The following AKAP13 variants were observed in gnomAD, a reference collection of about 807,000 sequenced individuals.
AKAP13 encodes A-kinase anchor protein 13.
In AKAP13, 80 loss-of-function variants were observed where a neutral mutation model predicts 264.5. The observed-to-expected ratio is 0.30, with a 90% CI of 0.25 to 0.36. The LOEUF is 0.36. Among genes scored for constraint, AKAP13 ranks in the 10% least tolerant of loss-of-function variants. The probability of loss-of-function intolerance (pLI) is 1.00; values close to 1 mark genes in which losing one functional copy is unlikely to be tolerated. For synonymous variants in AKAP13, 1,380 were observed against 1,250.2 expected (o/e 1.10, Z -2.19); for missense variants, 3,712 against 3,435.2 (o/e 1.08, Z -2.01).
At chr15:85,513,803 C>T (rs990597146) in intron 2 of AKAP13, among the ~76,000 whole-genome samples, 1 of 88,342 alleles carries the variant, frequency 1.1e-5, no homozygotes, top group Admixed American at 1.1e-4. Context: ...AATACAGTGC[C>T]CTCTCCTCTT....
intron 3 of AKAP13, among the ~76,000 whole-genome samples, chr15:85,524,532 T>C (rs2076950645): frequency 6.6e-6 from 1 of 152,142 alleles, no homozygotes; most frequent in South Asian, 2.1e-4. Flanking sequence ...TTGCTGGCTC[T>C]GATTTTTCTT....
In AKAP13 at chr15:85,581,501, C is replaced by A; in HGVS notation, c.3433C>A (p.Gln1145Lys). Residue 1145 changes from glutamine to lysine, a missense_variant, in exon 7 of 37, where the codon CAG becomes AAG. By Grantham distance (53) the Gln-to-Lys change is moderately conservative. Around this residue, in one of 3 missense-constraint regions of AKAP13, gnomAD observed 2,759 missense variants for 2,411.7 expected, o/e 1.14. Transcript: ENST00000394518. ...ALQDKAVTDP[Q>K]GVGTPEMIPL... ...ACAGGACAAAGCTGTGACTGACCCA[C>A]AGGGAGTTGGAACCCCAGAGATGAT... 6.2e-7 allele frequency: 1 copy of A among 1,614,190 alleles called. No homozygotes were observed. The highest frequency in any genetic ancestry group is 8.5e-7 in the Non-Finnish European group (1 of 1,180,034).
intron 14 of AKAP13, among the ~76,000 whole-genome samples, chr15:85,672,850 G>C (rs2083999338): frequency 6.6e-6 from 1 of 152,116 alleles, no homozygotes. Flanking sequence ...ACAGTGCCAG[G>C]GTCCATTTTT....
intron 5 of AKAP13, among the ~76,000 whole-genome samples, chr15:85,559,385 G>A (rs2078274957): frequency 6.6e-6 from 1 of 152,142 alleles, no homozygotes; most frequent in African/African-American, 2.4e-5. Context: ...TGGTTTTGTG[G>A]AAGACAGTTT....
At chr15:85,442,055 T>C (rs779294314) in intron 1 of AKAP13, among the ~76,000 whole-genome samples, 11 of 152,160 alleles carry the variant, frequency 7.2e-5, no homozygotes, top group Non-Finnish European at 1.6e-4. Context: ...TGAAATCTTA[T>C]TTTGCACAGT....
Position 85,498,226 on chromosome 15 carries a change from A to ATATC in AKAP13, c.33+12474_33+12475insATCT, listed in dbSNP as rs1567088692. ...TATATATATATATATATATATATAT[A>ATATC]TCACATTGAGCGAGATCATAGATAA... On this transcript the variant is annotated intron_variant, in intron 2 of 36. Transcript: ENST00000394518. Among the ~76,000 whole-genome samples the ATATC allele has an allele frequency of 4.8e-3, 627 of 130,448 alleles. 13 individuals are homozygous for ATATC. The highest frequency in any genetic ancestry group is 0.017 in the African/African-American group (583 of 35,114). The allele number at this position is 130,448 out of a possible 152,430, so 85.6% of individuals were successfully genotyped here. A position where few individuals can be genotyped will look rare whatever the true frequency, so the allele number is the denominator to read the frequency against.
At chr15:85,382,484 G>T (rs1037337898) in intron 1 of AKAP13, among the ~76,000 whole-genome samples, 1 of 152,140 alleles carries the variant, frequency 6.6e-6, no homozygotes, top group Admixed American at 6.5e-5. Context: ...GTGTGGTTTT[G>T]TGTGTGTGAT....
chr15:85,677,498 C>A (rs907045483), intron 14 of AKAP13, among the ~76,000 whole-genome samples: 1 of 152,140 alleles, frequency 6.6e-6, no homozygotes, highest in African/African-American at 2.4e-5. Context: ...GGACAGATAT[C>A]TAGATGTTCA....
At chr15:85,388,033 C>T (rs1596007509) in intron 1 of AKAP13, among the ~76,000 whole-genome samples, 1 of 110,852 alleles carries the variant, frequency 9.0e-6, no homozygotes, top group Admixed American at 1.2e-4. Flanking sequence ...TGTATACTTT[C>T]ATTTCCTTTT....
chr15:85,476,105 G>A (rs900997878), intron 1 of AKAP13, among the ~76,000 whole-genome samples: 1 of 152,214 alleles, frequency 6.6e-6, no homozygotes, highest in Non-Finnish European at 1.5e-5. Context: ...AATCAGCAAG[G>A]GTGGAGGGCA....
chr15:85,655,277 T>G, intron 10 of AKAP13, 140 bp from the exon 11 acceptor site: 4 of 1,002,212 alleles, frequency 4.0e-6, no homozygotes, highest in Non-Finnish European at 5.7e-6. Context: ...ATCATCCTAT[T>G]AAAAAAACAA....
At chr15:85,397,045 C>G (rs570147469) in intron 1 of AKAP13, among the ~76,000 whole-genome samples, 2 of 128,174 alleles carry the variant, frequency 1.6e-5, no homozygotes, top group East Asian at 5.5e-4. Flanking sequence ...CCCCGCCCCC[C>G]GAGGATTATT....
At chr15:85,623,621 G>C (rs908638011) in intron 8 of AKAP13, among the ~76,000 whole-genome samples, 1 of 152,110 alleles carries the variant, frequency 6.6e-6, no homozygotes, top group Non-Finnish European at 1.5e-5. Context: ...CCTCACATCA[G>C]CTCTTCTGTC....
At chr15:85,582,700 C>T (rs188686769) in intron 7 of AKAP13, among the ~76,000 whole-genome samples, 104 of 151,616 alleles carry the variant, frequency 6.9e-4, no homozygotes, top group Admixed American at 1.6e-3. Context: ...GTGTTGTTGA[C>T]GGGGAACTCC....
chr15:85,730,739 TCTA>T (rs2087938377), intron 30 of AKAP13, 32 bp downstream of exon 30: 1 of 1,585,198 alleles, frequency 6.3e-7, no homozygotes, highest in Non-Finnish European at 8.6e-7. Flanking sequence ...CCCCTCTTCA[TCTA>T]CTCCCAGAGT....
At chr15:85,442,140 G>C (rs1483408789) in intron 1 of AKAP13, among the ~76,000 whole-genome samples, 2 of 151,812 alleles carry the variant, frequency 1.3e-5, no homozygotes, top group East Asian at 3.9e-4. Context: ...GGCTGGGCGC[G>C]GTGGCTCATG....
chr15:85,553,497 T>C lies in AKAP13; in HGVS notation c.662+9542T>C, dbSNP rs145188033. Among the ~76,000 whole-genome samples, 966 of 152,334 alleles carry C rather than the reference T, an allele frequency of 6.3e-3. 11 individuals carry two copies. Among genetic ancestry groups the C allele is most frequent in the African/African-American group, 0.022 (905 of 41,564 alleles). On this transcript the variant is annotated intron_variant, in intron 5 of 36. Coordinates refer to ENST00000394518, the MANE Select transcript of AKAP13 (RefSeq NM_007200.5). The stretch of plus-strand genomic sequence containing the variant: ...TAGCCGGTGCACTATCTCTTAATAT[T>C]CATTTTAACTGTCAAACTATTTATC...
chr15:85,748,331 G>GT lies in AKAP13; in HGVS notation c.*3658dup, dbSNP rs777011947. 5.3e-5 allele frequency: 8 copies of GT among 152,182 alleles called. No individual in the cohort carries two copies. Among genetic ancestry groups the GT allele is most frequent in the Non-Finnish European group, 8.8e-5 (6 of 68,066 alleles). 9.4% of individuals were successfully genotyped at this position (152,182 alleles called of 1,614,324 possible). ...CTGCAGAACGATGTGCACCCTCTGC[G>GT]TTTTGGATGTCCTTGGAATGTGGGA... On this transcript the variant is annotated 3_prime_UTR_variant, in exon 37 of 37. Transcript: ENST00000394518.
intron 1 of AKAP13, among the ~76,000 whole-genome samples, chr15:85,394,050 A>G (rs1309143380): frequency 1.3e-5 from 2 of 152,196 alleles, no homozygotes; most frequent in Non-Finnish European, 2.9e-5. Flanking sequence ...AATAATTAAC[A>G]TTTACACATT....
Sources: gnomAD v4.1 joint callset for allele counts (sites outside exome capture counted in the v4.1 genomes callset) on GRCh38, gnomAD v4.1.1 for gene constraint, gnomAD v4.1.1 regional missense constraint, MANE v1.5 for transcripts, NCBI Gene and HGNC (gene_info 2026-07-23, HGNC 2026-07-21) for gene names.